Variants in FBXO31 observed in about 807,000 individuals in gnomAD.
FBXO31 encodes F-box only protein 31.
FBXO31 carries 24 observed loss-of-function variants against 54.4 expected under a neutral mutation model. The ratio of observed to expected loss-of-function variants is 0.44; its 90% confidence interval spans 0.32 to 0.62. The LOEUF is 0.62. Among genes scored for constraint, FBXO31 ranks in the 20% least tolerant of loss-of-function variants. The probability of loss-of-function intolerance (pLI) is 0.05; values close to 1 mark genes in which losing one functional copy is unlikely to be tolerated. For missense variants in FBXO31, 665 were observed against 787.1 expected (o/e 0.84, Z 1.86); for synonymous variants, 388 against 335.6 (o/e 1.16, Z -1.71).
In FBXO31 at chr16:87,343,604, G is replaced by A. The variant is rs2150674367; in HGVS notation, c.651C>T (p.His217=). The part of the protein sequence containing the change: ...MYGHKGPHHG[H]IQIVKKDEFS... ...GCCCCGCCGCTGCACACACCTGGAT[G>A]TGGCCGTGGTGGGGCCCTTTGTGGC... The change falls in exon 4 of 9, where the codon CAC becomes CAT. Residue 217 remains histidine (H), a synonymous_variant. Transcript: ENST00000311635. 2 of 1,607,196 alleles carry A rather than the reference G, an allele frequency of 1.2e-6. No individual in the cohort carries two copies. The highest frequency in any genetic ancestry group is 2.3e-5 in the East Asian group (1 of 44,358).
rs912184088 is a variant in FBXO31 at position 87,383,223 on chromosome 16, C to A, written c.340+182G>T. On this transcript the variant is annotated intron_variant, in intron 1 of 8. Coordinates refer to ENST00000311635, the MANE Select transcript of FBXO31 (RefSeq NM_024735.5). The surrounding 1 kb of genome is among the most constrained non-coding windows in gnomAD (Gnocchi z 4.9). ...CTAACCGCCTCAAATACCTCCCTGG[C>A]CCCCTCAACGTGGTGTCACCGCGGC... Among the ~76,000 whole-genome samples, 92 of 152,140 alleles carry A rather than the reference C, an allele frequency of 6.0e-4. 1 individual carries two copies. The highest frequency in any genetic ancestry group is 3.4e-3 in the Middle Eastern group (1 of 294).
At chr16:87,339,533 G>A (rs1273813255) in intron 5 of FBXO31, among the ~76,000 whole-genome samples, 1 of 152,224 alleles carries the variant, frequency 6.6e-6, no homozygotes, top group Non-Finnish European at 1.5e-5. Flanking sequence ...CTCACTCGAG[G>A]ATAGGTGGTA....
upstream of FBXO31, chr16:87,383,826 G>C (rs992613738): frequency 5.0e-6 from 5 of 1,002,318 alleles, no homozygotes; most frequent in Non-Finnish European, 6.2e-6. This position sits in a 1 kb window ranked among gnomAD's most constrained non-coding sequence, Gnocchi z 4.9. Flanking sequence ...CCACGCCCCC[G>C]CCGCAGAGCT....
rs1352382197 is a variant in FBXO31 at position 87,331,236 on chromosome 16, A to G, written c.*52T>C. The G allele has an allele frequency of 6.4e-7, 1 of 1,564,884 alleles. No individual in the cohort carries two copies. Among genetic ancestry groups the G allele is most frequent in the African/African-American group, 1.4e-5 (1 of 74,004 alleles). On this transcript the variant is annotated 3_prime_UTR_variant, in exon 9 of 9. Coordinates refer to ENST00000311635, the MANE Select transcript of FBXO31 (RefSeq NM_024735.5). The stretch of plus-strand genomic sequence containing the variant: ...TGCATGCTGCTTCTATTCACAGGTC[A>G]GAGTTCAGAGCCCCAGAGCCACCCG...
At chr16:87,370,898 G>A (rs1906574202) in intron 1 of FBXO31, among the ~76,000 whole-genome samples, 1 of 152,204 alleles carries the variant, frequency 6.6e-6, no homozygotes, top group Admixed American at 6.5e-5. Flanking sequence ...AAATTTTTCT[G>A]CTTCTGAGGC....
intron 1 of FBXO31, among the ~76,000 whole-genome samples, chr16:87,388,945 T>C (rs935531798): frequency 3.3e-5 from 5 of 152,200 alleles, no homozygotes; most frequent in Non-Finnish European, 7.3e-5. Flanking sequence ...TACACTATGC[T>C]TATATTAACT....
chr16:87,347,368 T>A, intron 2 of FBXO31, 118 bp from the exon 3 acceptor site: 1 of 818,556 alleles, frequency 1.2e-6, no homozygotes, highest in Non-Finnish European at 2.1e-6. Flanking sequence ...GCAAGAGCCC[T>A]CCAAACACAT....
chr16:87,357,310 A>G (rs1905935432), intron 2 of FBXO31, among the ~76,000 whole-genome samples: 1 of 149,752 alleles, frequency 6.7e-6, no homozygotes, highest in African/African-American at 2.4e-5. Context: ...CCAGAGCTCC[A>G]TCAAAAGAAT....
At chr16:87,348,490 G>A (rs1056714484) in intron 2 of FBXO31, among the ~76,000 whole-genome samples, 4 of 152,222 alleles carry the variant, frequency 2.6e-5, no homozygotes, top group Middle Eastern at 3.2e-3. Flanking sequence ...TAATGGTAGA[G>A]CTTGAGGGTA....
In FBXO31 at chr16:87,383,725, A is replaced by G. The variant is rs1907195498; in HGVS notation, c.20T>C (p.Leu7Pro). MAVCAR[L>P]CGVGPSRGCR... ...TCCGCGCGACGGGCCCACGCCGCAA[A>G]GGCGAGCACACACCGCCATGCCGCC... is the stretch of plus-strand genomic sequence containing the variant. The change falls in exon 1 of 9, where the codon CTT becomes CCT. Residue 7 changes from leucine to proline, a missense_variant. Leu to Pro is a moderately conservative substitution (Grantham distance 98). Coordinates refer to ENST00000311635, the MANE Select transcript of FBXO31 (RefSeq NM_024735.5). The surrounding 1 kb of genome is among the most constrained non-coding windows in gnomAD (Gnocchi z 4.9). 2 of 1,233,010 alleles carry G rather than the reference A, an allele frequency of 1.6e-6. No individual in the cohort carries two copies. Among genetic ancestry groups the G allele is most frequent in the Non-Finnish European group, 2.0e-6 (2 of 991,874 alleles). The allele number at this position is 1,233,010 out of a possible 1,614,324, so 76.4% of individuals were successfully genotyped here.
intron 3 of FBXO31, 128 bp from the exon 4 acceptor site, chr16:87,343,893 C>T: frequency 1.0e-6 from 1 of 969,978 alleles, no homozygotes; most frequent in Non-Finnish European, 1.5e-6. Context: ...GACCTGCACG[C>T]CCACCCTCGA....
chr16:87,350,005 C>T (rs76390295), intron 2 of FBXO31, among the ~76,000 whole-genome samples: 21,290 of 152,158 alleles, frequency 0.14, 2,088 homozygotes, highest in South Asian at 0.5. Context: ...CCAGTAATCC[C>T]ATCACTCAGA....
intron 5 of FBXO31, among the ~76,000 whole-genome samples, chr16:87,342,345 G>A (rs759513324): frequency 4.6e-5 from 7 of 152,132 alleles, no homozygotes; most frequent in African/African-American, 7.2e-5. Flanking sequence ...GTGAGCCACC[G>A]CACCTTCCTT....
rs1040693892 is a variant in FBXO31 at position 87,330,005 on chromosome 16, C to A, written c.*1283G>T. On this transcript the variant is annotated 3_prime_UTR_variant, in exon 9 of 9. Coordinates refer to ENST00000311635, the MANE Select transcript of FBXO31 (RefSeq NM_024735.5). Reference sequence around the variant, plus strand: ...TCACCAGCAGGACGTGTCCAGGGTGCCCAGCACAAGGACTTGGAGCAGCCC... The same window carrying A: ...TCACCAGCAGGACGTGTCCAGGGTGACCAGCACAAGGACTTGGAGCAGCCC... 2.0e-5 allele frequency: 3 copies of A among 152,306 alleles called. No homozygotes were observed. Among genetic ancestry groups the A allele is most frequent in the African/African-American group, 7.2e-5 (3 of 41,466 alleles). 9.4% of individuals were successfully genotyped at this position (152,306 alleles called of 1,614,324 possible).
Position 87,383,328 on chromosome 16 carries a change from C to G in FBXO31, c.340+77G>C. 1 of 1,311,734 alleles carries G rather than the reference C, an allele frequency of 7.6e-7. No individual in the cohort carries two copies. The highest frequency in any genetic ancestry group is 1.0e-6 in the Non-Finnish European group (1 of 988,436). The allele number at this position is 1,311,734 out of a possible 1,614,324, so 81.3% of individuals were successfully genotyped here. Reference sequence around the variant, plus strand: ...GGCCCCCGGCCGGGGCCACCGCCCCCGCCACTCCCAGCTCCGAGGCCTCCA... The same window carrying G: ...GGCCCCCGGCCGGGGCCACCGCCCCGGCCACTCCCAGCTCCGAGGCCTCCA... On this transcript the variant is annotated intron_variant, in intron 1 of 8. Coordinates refer to ENST00000311635, the MANE Select transcript of FBXO31 (RefSeq NM_024735.5). The surrounding 1 kb of genome is among the most constrained non-coding windows in gnomAD (Gnocchi z 4.9).
rs1400232306 is a variant in FBXO31, at chr16:87,346,889, G to A, written c.489+285C>T. Among the ~76,000 whole-genome samples the A allele has an allele frequency of 3.9e-5, 6 of 152,194 alleles. No homozygotes were observed. The highest frequency in any genetic ancestry group is 2.0e-4 in the Admixed American group (3 of 15,278). ...CTCCAGACCCCGCCAACATGTGCGC[G>A]ATGGGCCTCAGCGTCCAGGAAGCAA... On this transcript the variant is annotated intron_variant, in intron 3 of 8. Transcript: ENST00000311635. The surrounding 1 kb of genome is among the most constrained non-coding windows in gnomAD (Gnocchi z 4.2).
intron 1 of FBXO31, among the ~76,000 whole-genome samples, chr16:87,364,318 T>G (rs1318206922): frequency 6.6e-6 from 1 of 152,222 alleles, no homozygotes; most frequent in Admixed American, 6.5e-5. Context: ...GCATGCTCTG[T>G]GCAGCTGCCA....
In FBXO31 at chr16:87,335,979, T is replaced by C. The variant is rs1905035209; in HGVS notation, c.842+176A>G. 6.6e-6 allele frequency among the ~76,000 whole-genome samples: 1 copy of C among 151,634 alleles called. No homozygotes were observed. The highest frequency in any genetic ancestry group is 1.5e-5 in the Non-Finnish European group (1 of 67,912). ...AAGTACCCACAGAAAGAGCGAACTA[T>C]GCTCCAAGCACCCAGAGAGAGAGGG... On this transcript the variant is annotated intron_variant, in intron 6 of 8. Coordinates refer to ENST00000311635, the MANE Select transcript of FBXO31 (RefSeq NM_024735.5). The surrounding 1 kb of genome is among the most constrained non-coding windows in gnomAD (Gnocchi z 5.7).
Position 87,331,320 on chromosome 16 carries a change from T to C in FBXO31, c.1588A>G (p.Met530Val). Residue 530 changes from methionine (M) to valine (V), a missense_variant, in exon 9 of 9, where the codon ATG becomes GTG. Physicochemically the swap from Met to Val is conservative, Grantham distance 21. Coordinates refer to ENST00000311635, the MANE Select transcript of FBXO31 (RefSeq NM_024735.5). Reference protein sequence around the residue: ...DAPSPQAFDEMLKNIQSLTS With the variant: ...DAPSPQAFDEVLKNIQSLTS ...GTGAGGGACTGAATGTTCTTGAGCA[T>C]CTCATCGAAGGCCTGTGGGGACGGC... 1 of 1,613,978 alleles carries C rather than the reference T, an allele frequency of 6.2e-7. No individual in the cohort carries two copies. Among genetic ancestry groups the C allele is most frequent in the Non-Finnish European group, 8.5e-7 (1 of 1,180,000 alleles).
Sources: gnomAD v4.1 joint callset for allele counts (sites outside exome capture counted in the v4.1 genomes callset) on GRCh38, gnomAD v4.1.1 for gene constraint, Gnocchi (gnomAD v3.1) non-coding constraint, MANE v1.5 for transcripts, NCBI Gene and HGNC (gene_info 2026-07-23, HGNC 2026-07-21) for gene names.